Variants in SLC9A9 observed in about 807,000 individuals in gnomAD.
SLC9A9 encodes solute carrier family 9 member A9.
In SLC9A9, 62 loss-of-function variants were observed where a neutral mutation model predicts 77.8. The observed-to-expected ratio is 0.80, with a 90% CI of 0.65 to 0.98. The LOEUF (loss-of-function observed/expected upper bound fraction) is 0.98. SLC9A9 is among the 50% of genes least tolerant of loss of function. SLC9A9 has a pLI of 0.00. For synonymous variants in SLC9A9, 320 were observed against 283.5 expected, an observed-to-expected ratio of 1.13 and a Z score of -1.29; for missense variants, 775 against 774.9, an observed-to-expected ratio of 1.00 and a Z score of 0.00.
chr3:143,352,294 CTT>C (rs1439111065), intron 14 of SLC9A9, among the ~76,000 whole-genome samples: 2 of 152,198 alleles, frequency 1.3e-5, no homozygotes, highest in African/African-American at 4.8e-5. Context: ...CTGCTACAGT[CTT>C]TCCTGTTTGA....
chr3:143,833,058 C>T (rs2009477377), intron 1 of SLC9A9, among the ~76,000 whole-genome samples: 1 of 152,242 alleles, frequency 6.6e-6, no homozygotes, highest in East Asian at 1.9e-4. Context: ...TGTGAAGATG[C>T]TCATGGCAAT....
chr3:143,518,300 C>T, intron 9 of SLC9A9: 2 of 1,032,106 alleles, frequency 1.9e-6, no homozygotes, highest in East Asian at 2.4e-5. Flanking sequence ...CTCAGCGTGA[C>T]CACGCAGAAA....
intron 14 of SLC9A9, among the ~76,000 whole-genome samples, chr3:143,307,403 T>A (rs1375490677): frequency 6.6e-6 from 1 of 152,252 alleles, no homozygotes; most frequent in African/African-American, 2.4e-5. Context: ...GAAATTGACA[T>A]GGCCATACTG....
At chr3:143,334,664 G>T (rs1280808863) in intron 14 of SLC9A9, among the ~76,000 whole-genome samples, 1 of 152,118 alleles carries the variant, frequency 6.6e-6, no homozygotes, top group Non-Finnish European at 1.5e-5. Context: ...GACAATAAAG[G>T]CTCAGTAATA....
At chr3:143,703,409 G>C (rs1576669997) in intron 4 of SLC9A9, among the ~76,000 whole-genome samples, 1 of 151,998 alleles carries the variant, frequency 6.6e-6, no homozygotes, top group East Asian at 1.9e-4. Flanking sequence ...ATAGTAACAA[G>C]GAGAATTTTG....
intron 4 of SLC9A9, among the ~76,000 whole-genome samples, chr3:143,705,343 T>A (rs1051069394): frequency 2.0e-5 from 3 of 151,828 alleles, no homozygotes; most frequent in African/African-American, 7.3e-5. Flanking sequence ...GGTTAATGGG[T>A]ACAAAAAAAA....
At chr3:143,798,743 G>A (rs1221843473) in intron 2 of SLC9A9, among the ~76,000 whole-genome samples, 5 of 152,070 alleles carry the variant, frequency 3.3e-5, no homozygotes, top group East Asian at 1.9e-4. Context: ...ATGGTCTGAG[G>A]TGCATGACAT....
chr3:143,343,589 G>A (rs1361103532), intron 14 of SLC9A9: 3 of 152,196 alleles, frequency 2.0e-5, no homozygotes, highest in African/African-American at 4.8e-5. Flanking sequence ...AAATGGTCTA[G>A]TGGAAGCTGA....
rs573520458 is a variant in SLC9A9 at position 143,437,934 on chromosome 3, T to C, written c.1469+29103A>G. ...TGGCTAGGCTCTCTCATATGGTCAC[T>C]AGAAAATTATAGAGGGGAGTTGTTA... On this transcript the variant is annotated intron_variant, in intron 12 of 15. Transcript: ENST00000316549. 5.3e-5 allele frequency among the ~76,000 whole-genome samples: 8 copies of C among 152,360 alleles called. No homozygotes were observed. In the East Asian group the frequency reaches 1.5e-3, roughly 29 times the overall value.
intron 6 of SLC9A9, among the ~76,000 whole-genome samples, chr3:143,616,966 GAA>G (rs2038116390): frequency 6.6e-6 from 1 of 152,032 alleles, no homozygotes; most frequent in Non-Finnish European, 1.5e-5. Flanking sequence ...AAACAAAAGA[GAA>G]AGCACAGTGT....
At chr3:143,590,052 C>A (rs767773017) in intron 6 of SLC9A9, among the ~76,000 whole-genome samples, 10 of 152,044 alleles carry the variant, frequency 6.6e-5, no homozygotes, top group African/African-American at 9.7e-5. Context: ...TTAATGGAGA[C>A]CTCTCCTCTA....
At chr3:143,786,739 T>G (rs1397540562) in intron 4 of SLC9A9, among the ~76,000 whole-genome samples, 3 of 152,360 alleles carry the variant, frequency 2.0e-5, no homozygotes, top group East Asian at 3.9e-4. Context: ...TTTATTTTTC[T>G]CTTTGACACC....
chr3:143,491,211 A>G (rs1411552725), intron 11 of SLC9A9, among the ~76,000 whole-genome samples: 1 of 152,144 alleles, frequency 6.6e-6, no homozygotes, highest in African/African-American at 2.4e-5. Flanking sequence ...AAAATTTGGT[A>G]TGCTGTCTTT....
chr3:143,494,922 T>A (rs2035807502), intron 10 of SLC9A9, among the ~76,000 whole-genome samples: 1 of 152,234 alleles, frequency 6.6e-6, no homozygotes, highest in South Asian at 2.1e-4. Context: ...GATTTTATCA[T>A]CTTGCAATGA....
At chr3:143,321,454 G>C (rs1339367100) in intron 14 of SLC9A9, among the ~76,000 whole-genome samples, 1 of 152,100 alleles carries the variant, frequency 6.6e-6, no homozygotes, top group East Asian at 1.9e-4. Flanking sequence ...GCCACCTGAG[G>C]TCCTTCCCAC....
chr3:143,412,287 A>T (rs2034110267), intron 12 of SLC9A9, among the ~76,000 whole-genome samples: 1 of 151,900 alleles, frequency 6.6e-6, no homozygotes. Flanking sequence ...TTGGCCCCCG[A>T]GAAGGAAGTG....
At chr3:143,576,770 T>C (rs2037366511) in intron 7 of SLC9A9, among the ~76,000 whole-genome samples, 1 of 152,176 alleles carries the variant, frequency 6.6e-6, no homozygotes, top group Non-Finnish European at 1.5e-5. Flanking sequence ...GAAGGTTAGA[T>C]GAGACACTCA....
intron 4 of SLC9A9, among the ~76,000 whole-genome samples, chr3:143,770,480 T>C (rs1454969925): frequency 6.6e-6 from 1 of 152,140 alleles, no homozygotes; most frequent in African/African-American, 2.4e-5. Flanking sequence ...TAAAAGAATA[T>C]CTGGGTAACA....
intron 14 of SLC9A9, among the ~76,000 whole-genome samples, chr3:143,330,086 G>A (rs1441856591): frequency 2.6e-5 from 4 of 152,204 alleles, no homozygotes; most frequent in South Asian, 4.1e-4. Flanking sequence ...GACTCCTGGT[G>A]GAGGAGACAG....
Sources: allele counts gnomAD v4.1 joint callset (sites outside exome capture counted in the v4.1 genomes callset), GRCh38; gene constraint gnomAD v4.1.1; transcripts MANE v1.5; gene names NCBI Gene and HGNC (gene_info 2026-07-23, HGNC 2026-07-21).